The following MYO5A variants were observed in gnomAD, a reference collection of about 807,000 sequenced individuals.
MYO5A encodes the protein myosin VA.
Under a neutral mutation model 249.7 loss-of-function variants are expected in MYO5A, and 98 were observed. That is an observed-to-expected ratio of 0.39 (90% confidence interval 0.33 to 0.46). The LOEUF (loss-of-function observed/expected upper bound fraction) is 0.46, where lower values mean the gene tolerates loss of function less well. Among genes scored for constraint, MYO5A ranks in the 20% least tolerant of loss-of-function variants. The pLI is 0.98. For synonymous variants in MYO5A, 778 were observed against 810.6 expected, an observed-to-expected ratio of 0.96 and a Z score of 0.68; for missense variants, 1,696 against 2,308.8, an observed-to-expected ratio of 0.73 and a Z score of 5.44.
At chr15:52,462,601 A>G (rs575440207) in intron 1 of MYO5A, among the ~76,000 whole-genome samples, 96 of 152,310 alleles carry the variant, frequency 6.3e-4, no homozygotes, top group African/African-American at 2.2e-3. Flanking sequence ...TAATCCCAGC[A>G]CTTTCGGAGG....
chr15:52,394,052 G>C (rs188529037), intron 11 of MYO5A, among the ~76,000 whole-genome samples: 34 of 152,310 alleles, frequency 2.2e-4, no homozygotes, highest in South Asian at 6.2e-4. Context: ...CAAAGAATAT[G>C]GGCATGAAGT....
In MYO5A at chr15:52,372,029, C is replaced by T; in HGVS notation, c.2817+95G>A. ...GTCATAATTTTACTTTTTACTAAGACCGAAGGGTAAAGTCAAAGAAAAACA... is the reference window on the plus strand; with the variant it reads ...GTCATAATTTTACTTTTTACTAAGATCGAAGGGTAAAGTCAAAGAAAAACA... On this transcript the variant is annotated intron_variant, in intron 21 of 41. Transcript: ENST00000399233. The T allele has an allele frequency of 3.8e-6, 6 of 1,584,020 alleles. 1 individual carries two copies. The South Asian group carries it at 4.5e-5, about 12-fold the overall frequency.
intron 28 of MYO5A, among the ~76,000 whole-genome samples, chr15:52,351,043 A>G (rs1197311885): frequency 6.6e-6 from 1 of 152,184 alleles, no homozygotes; most frequent in African/African-American, 2.4e-5. Context: ...AAACTTTGTG[A>G]TCATTTGGGA....
chr15:52,395,071 A>G (rs2042426557), intron 11 of MYO5A, among the ~76,000 whole-genome samples: 1 of 152,356 alleles, frequency 6.6e-6, no homozygotes, highest in East Asian at 1.9e-4. Context: ...TATAATGACA[A>G]GTAGCAATTC....
At chr15:52,503,003 T>C (rs1277386693) in intron 1 of MYO5A, among the ~76,000 whole-genome samples, 1 of 152,182 alleles carries the variant, frequency 6.6e-6, no homozygotes, top group Admixed American at 6.5e-5. Context: ...GAGAGTAGAC[T>C]GGTGGATACC....
At chr15:52,391,843 C>G in intron 12 of MYO5A, 87 bp downstream of exon 12, 4 of 1,370,734 alleles carry the variant, frequency 2.9e-6, no homozygotes, top group Non-Finnish European at 4.1e-6. Flanking sequence ...CCATGATATA[C>G]TAATGAATCT....
chr15:52,340,334 G>A lies in MYO5A; in HGVS notation c.4101C>T (p.Leu1367=). 2 of 1,613,948 alleles carry A rather than the reference G, an allele frequency of 1.2e-6. No homozygotes were observed. The highest frequency in any genetic ancestry group is 1.7e-6 in the Non-Finnish European group (2 of 1,180,030). ...KRSHENEAEA[L]RGEIQSLKEE... Reference sequence around the variant, plus strand: ...CCTTCAGGCTCTGGATCTCCCCACGGAGGGCCTCGGCCTCATTCTCATGGC... The same window carrying A: ...CCTTCAGGCTCTGGATCTCCCCACGAAGGGCCTCGGCCTCATTCTCATGGC... The change falls in exon 32 of 42, where the codon CTC becomes CTT. Residue 1367 remains leucine (L), a synonymous_variant. Coordinates refer to ENST00000399233, the MANE Select transcript of MYO5A (RefSeq NM_001382347.1).
intron 1 of MYO5A, among the ~76,000 whole-genome samples, chr15:52,524,648 C>A (rs981462690): frequency 5.9e-5 from 9 of 151,992 alleles, no homozygotes; most frequent in African/African-American, 1.9e-4. Flanking sequence ...GAGGTGGAAG[C>A]AGGAGGATCA....
intron 9 of MYO5A, among the ~76,000 whole-genome samples, chr15:52,404,396 A>G (rs1804739504): frequency 6.6e-6 from 1 of 152,172 alleles, no homozygotes; most frequent in Non-Finnish European, 1.5e-5. Context: ...AGAAAACACA[A>G]GAAATAGATT....
chr15:52,495,805 C>A (rs756293733), intron 1 of MYO5A, among the ~76,000 whole-genome samples: 12 of 152,078 alleles, frequency 7.9e-5, no homozygotes, highest in Non-Finnish European at 1.5e-4. Context: ...TGTTTTCATT[C>A]AAAAACTCTA....
chr15:52,366,920 T>A (rs2040840493), intron 23 of MYO5A, 111 bp downstream of exon 23: 1 of 987,226 alleles, frequency 1.0e-6, no homozygotes, highest in East Asian at 2.7e-5. Context: ...AGCCTCAACT[T>A]TTAAAAATAT....
At chr15:52,491,661 T>C (rs2141540083) in intron 1 of MYO5A, among the ~76,000 whole-genome samples, 1 of 152,378 alleles carries the variant, frequency 6.6e-6, no homozygotes, top group East Asian at 1.9e-4. Context: ...ATTTACTGTT[T>C]AATCCCCTTT....
chr15:52,383,194 T>C lies in MYO5A; in HGVS notation c.1915-6A>G, dbSNP rs772446936. The C allele has an allele frequency of 7.5e-6, 12 of 1,605,552 alleles. No individual in the cohort carries two copies. Among genetic ancestry groups the C allele is most frequent in the Middle Eastern group, 3.3e-4 (2 of 6,064 alleles). On this transcript the variant is annotated splice_polypyrimidine_tract_variant and splice_region_variant and intron_variant, in intron 15 of 41. Coordinates refer to ENST00000399233, the MANE Select transcript of MYO5A (RefSeq NM_001382347.1). ...AGGTGCAGGGAGTTTCTGAACTGCA[T>C]GAAAAAGGGCAGAAGAGGGTATCAA... is the stretch of plus-strand genomic sequence containing the variant.
Position 52,308,809 on chromosome 15 carries a change from G to C in MYO5A, c.*4887C>G, listed in dbSNP as rs1362557969. ...GGAGAACTTAAGGCAGCTCTAGAAGGGAAGGGAGCAAGGGTTAAGGCGGCC... is the reference window on the plus strand; with the variant it reads ...GGAGAACTTAAGGCAGCTCTAGAAGCGAAGGGAGCAAGGGTTAAGGCGGCC... On this transcript the variant is annotated 3_prime_UTR_variant, in exon 42 of 42. Coordinates refer to ENST00000399233, the MANE Select transcript of MYO5A (RefSeq NM_001382347.1). The C allele has an allele frequency of 6.5e-6, 1 of 152,786 alleles. No individual in the cohort carries two copies. The highest frequency in any genetic ancestry group is 1.5e-5 in the Non-Finnish European group (1 of 68,164). 9.5% of individuals were successfully genotyped at this position (152,786 alleles called of 1,614,324 possible). A position where few individuals can be genotyped will look rare whatever the true frequency, so the allele number is the denominator to read the frequency against.
intron 1 of MYO5A, among the ~76,000 whole-genome samples, chr15:52,458,705 T>C (rs913199114): frequency 2.0e-5 from 3 of 152,060 alleles, no homozygotes; most frequent in Admixed American, 6.6e-5. Context: ...TTACACATTC[T>C]ATGCATGTAT....
chr15:52,394,468 G>A (rs888567186), intron 11 of MYO5A, among the ~76,000 whole-genome samples: 5 of 152,228 alleles, frequency 3.3e-5, no homozygotes, highest in Non-Finnish European at 5.9e-5. Context: ...AGTTTAAAGT[G>A]AGTGAGAAAG....
intron 1 of MYO5A, among the ~76,000 whole-genome samples, chr15:52,483,457 G>C (rs2076755437): frequency 6.6e-6 from 1 of 152,128 alleles, no homozygotes; most frequent in East Asian, 1.9e-4. Context: ...CAATGCCTTA[G>C]AAATTTCAGG....
At position 52,371,836 on chromosome 15, in the gene MYO5A, C is replaced by A. The variant is rs141047716; in HGVS notation, c.2817+288G>T. On this transcript the variant is annotated intron_variant, in intron 21 of 41. Transcript: ENST00000399233. Reference sequence around the variant, plus strand: ...AGTGAGCTGTGACCATGCCACTGAACTCTAGCCTGGGCGACAGAGTGAGAC... The same window carrying A: ...AGTGAGCTGTGACCATGCCACTGAAATCTAGCCTGGGCGACAGAGTGAGAC... Among the ~76,000 whole-genome samples, 1,247 of 151,594 alleles carry A rather than the reference C, an allele frequency of 8.2e-3. 16 individuals are homozygous for A. Among genetic ancestry groups the A allele is most frequent in the African/African-American group, 0.027 (1,133 of 41,418 alleles).
chr15:52,347,044 T>A (rs1016295653), intron 29 of MYO5A, among the ~76,000 whole-genome samples: 6 of 152,020 alleles, frequency 3.9e-5, no homozygotes, highest in African/African-American at 1.4e-4. Flanking sequence ...TAGTATAACA[T>A]AACATAGTAC....
Sources: gnomAD v4.1 joint callset for allele counts (sites outside exome capture counted in the v4.1 genomes callset) on GRCh38, gnomAD v4.1.1 for gene constraint, MANE v1.5 for transcripts, NCBI Gene and HGNC (gene_info 2026-07-23, HGNC 2026-07-21) for gene names.